Variants in SGF29 observed in about 807,000 individuals in gnomAD.
SGF29 encodes the protein SAGA complex associated factor 29, also known as SAGA-associated factor 29.
SGF29 carries 15 observed loss-of-function variants against 38.1 expected under a neutral mutation model. That is an observed-to-expected ratio of 0.39 (90% confidence interval 0.26 to 0.61). The LOEUF is 0.61. Ranked by LOEUF, SGF29 falls within the 20% of genes least tolerant of loss-of-function variation. The probability of loss-of-function intolerance (pLI) is 0.49; values close to 1 mark genes in which losing one functional copy is unlikely to be tolerated. For missense variants in SGF29, 184 were observed against 394.6 expected (o/e 0.47, Z 4.52); for synonymous variants, 151 against 160.8 (o/e 0.94, Z 0.46).
intron 1 of SGF29, among the ~76,000 whole-genome samples, chr16:28,560,328 C>T (rs572227864): frequency 1.3e-5 from 2 of 150,452 alleles, no homozygotes; most frequent in South Asian, 2.1e-4. Flanking sequence ...CAGTGGCTCA[C>T]GCCTGTAATC....
chr16:28,564,652 T>TAC (rs2046817501), intron 1 of SGF29, among the ~76,000 whole-genome samples: 2 of 102,206 alleles, frequency 2.0e-5, no homozygotes, highest in Non-Finnish European at 2.1e-5. Context: ...TGTGTATATA[T>TAC]ACGTATATAT....
At chr16:28,572,075 G>T (rs1356729722) in intron 1 of SGF29, among the ~76,000 whole-genome samples, 1 of 152,134 alleles carries the variant, frequency 6.6e-6, no homozygotes, top group Non-Finnish European at 1.5e-5. Flanking sequence ...TGCCTCCCGG[G>T]TTCACGCCAT....
intron 2 of SGF29, among the ~76,000 whole-genome samples, chr16:28,581,609 C>A (rs554635058): frequency 1.3e-5 from 2 of 152,096 alleles, no homozygotes; most frequent in Admixed American, 6.5e-5. Context: ...GATCTCAGCT[C>A]ACTGCAACCT....
In SGF29 at chr16:28,591,696, A is replaced by G; in HGVS notation, c.872A>G (p.Lys291Arg). The G allele has an allele frequency of 6.2e-7, 1 of 1,611,350 alleles. No individual in the cohort carries two copies. The highest frequency in any genetic ancestry group is 2.2e-5 in the East Asian group (1 of 44,862). ...QRYVVACKEP[K>R]KK ...TACGTGGTGGCTTGTAAGGAACCCA[A>G]GAAAAAGTGATGCCGCCTGGCAGAC... Residue 291 changes from lysine to arginine, a missense_variant, in exon 10 of 10, where the codon AAG becomes AGG. Physicochemically the swap from Lys to Arg is conservative, Grantham distance 26. This residue lies in a region of SGF29 where 107 missense variants were observed against 276.9 expected (regional missense o/e 0.39). Transcript: ENST00000317058.
intron 1 of SGF29, among the ~76,000 whole-genome samples, chr16:28,571,838 C>G (rs1262264345): frequency 6.6e-6 from 1 of 152,136 alleles, no homozygotes; most frequent in Non-Finnish European, 1.5e-5. Flanking sequence ...AAAGTGCCTG[C>G]TAAGTCCCTG....
chr16:28,556,164 CTATT>C (rs201919458), intron 1 of SGF29, among the ~76,000 whole-genome samples: 2 of 151,878 alleles, frequency 1.3e-5, no homozygotes, highest in African/African-American at 2.4e-5. Flanking sequence ...AATATAGATT[CTATT>C]TATTTATTTA....
intron 1 of SGF29, among the ~76,000 whole-genome samples, chr16:28,564,277 G>C (rs2046807162): frequency 6.6e-6 from 1 of 151,956 alleles, no homozygotes; most frequent in Non-Finnish European, 1.5e-5. Flanking sequence ...GCAGTTGGAA[G>C]TCTGAATTGG....
At position 28,590,617 on chromosome 16, in the gene SGF29, C is replaced by T; in HGVS notation, c.567-14C>T. 1.2e-6 allele frequency: 2 copies of T among 1,613,520 alleles called. No homozygotes were observed. The highest frequency in any genetic ancestry group is 1.7e-6 in the Non-Finnish European group (2 of 1,179,972). On this transcript the variant is annotated splice_polypyrimidine_tract_variant and intron_variant, in intron 7 of 9. Coordinates refer to ENST00000317058, the MANE Select transcript of SGF29 (RefSeq NM_138414.3). This position sits in a 1 kb window ranked among gnomAD's most constrained non-coding sequence, Gnocchi z 8.2. ...CCCTGGCTGCATCCAGCCTTTTCCTCCTTTTGTCTGCAGGTATGAGGTAGA... is the reference window on the plus strand; with the variant it reads ...CCCTGGCTGCATCCAGCCTTTTCCTTCTTTTGTCTGCAGGTATGAGGTAGA...
At chr16:28,589,343 A>C in intron 5 of SGF29, 179 bp downstream of exon 5, 1 of 606,300 alleles carries the variant, frequency 1.6e-6, no homozygotes, top group South Asian at 1.9e-5. Flanking sequence ...CAGTGCCCAG[A>C]GGCAGGGGTT....
intron 1 of SGF29, among the ~76,000 whole-genome samples, chr16:28,561,572 A>C (rs1458388927): frequency 6.6e-6 from 1 of 152,126 alleles, no homozygotes; most frequent in African/African-American, 2.4e-5. Flanking sequence ...GTGCAGGGGA[A>C]AGAAAGAAAG....
intron 1 of SGF29, among the ~76,000 whole-genome samples, chr16:28,568,205 CA>C (rs1426430737): frequency 6.7e-6 from 1 of 148,418 alleles, no homozygotes. Flanking sequence ...CCCAGCTGCT[CA>C]GGAGGCTGAC....
At chr16:28,554,977 C>T (rs970687076) in intron 1 of SGF29, among the ~76,000 whole-genome samples, 1 of 152,228 alleles carries the variant, frequency 6.6e-6, no homozygotes, top group Non-Finnish European at 1.5e-5. Context: ...TCTGCTGATT[C>T]TAACCTAGGC....
intron 2 of SGF29, among the ~76,000 whole-genome samples, chr16:28,582,052 G>A (rs2046929169): frequency 6.6e-6 from 1 of 152,158 alleles, no homozygotes; most frequent in Admixed American, 6.5e-5. Context: ...CGATACTCAG[G>A]GTTTATAGCT....
At chr16:28,586,462 G>A (rs906429134) in intron 4 of SGF29, among the ~76,000 whole-genome samples, 4 of 150,232 alleles carry the variant, frequency 2.7e-5, no homozygotes, top group Non-Finnish European at 4.4e-5. Context: ...AGCTAAGATC[G>A]TGCCACTGCA....
chr16:28,588,329 G>T (rs1365055952), intron 4 of SGF29, among the ~76,000 whole-genome samples: 1 of 152,040 alleles, frequency 6.6e-6, no homozygotes, highest in Non-Finnish European at 1.5e-5. Flanking sequence ...TTCTGCTCTG[G>T]GCCAGCACCT....
intron 4 of SGF29, among the ~76,000 whole-genome samples, chr16:28,587,819 AAAT>A (rs2046963732): frequency 6.6e-6 from 1 of 151,978 alleles, no homozygotes; most frequent in South Asian, 2.1e-4. Context: ...ATTTTTTTTG[AAAT>A]GGAGTTTCGC....
chr16:28,588,709 T>C, intron 4 of SGF29: 1 of 382,740 alleles, frequency 2.6e-6, no homozygotes, highest in South Asian at 1.9e-5. Flanking sequence ...GGATTACAGT[T>C]AAAGACGCTC....
chr16:28,558,859 T>G (rs1369264056), intron 1 of SGF29, among the ~76,000 whole-genome samples: 1 of 152,082 alleles, frequency 6.6e-6, no homozygotes, highest in East Asian at 1.9e-4. Context: ...TCTACAAATA[T>G]GAATTAGAAT....
At chr16:28,564,246 C>T (rs1052483432) in intron 1 of SGF29, among the ~76,000 whole-genome samples, 3 of 151,902 alleles carry the variant, frequency 2.0e-5, no homozygotes, top group African/African-American at 7.3e-5. Flanking sequence ...GCGGGTGCAT[C>T]TCAGTGGGAT....
Sources: gnomAD v4.1 joint callset for allele counts (sites outside exome capture counted in the v4.1 genomes callset) on GRCh38, gnomAD v4.1.1 for gene constraint, gnomAD v4.1.1 regional missense constraint, Gnocchi (gnomAD v3.1) non-coding constraint, MANE v1.5 for transcripts, NCBI Gene and HGNC (gene_info 2026-07-23, HGNC 2026-07-21) for gene names.